The following AGBL4 variants were observed in gnomAD, a reference collection of about 807,000 sequenced individuals.
AGBL4 encodes the protein AGBL carboxypeptidase 4, also known as cytosolic carboxypeptidase 6.
In AGBL4, 58 loss-of-function variants were observed where a neutral mutation model predicts 66.4. That is an observed-to-expected ratio of 0.87 (90% CI 0.71 to 1.09). AGBL4 has a LOEUF of 1.09. AGBL4 is among the 50% of genes least tolerant of loss of function. AGBL4 has a pLI of 0.00. For synonymous variants in AGBL4, 234 were observed against 222.9 expected, an observed-to-expected ratio of 1.05 and a Z score of -0.44; for missense variants, 579 against 631.0, an observed-to-expected ratio of 0.92 and a Z score of 0.88.
At chr1:49,878,525 T>G (rs183952839) in intron 1 of AGBL4, among the ~76,000 whole-genome samples, 12 of 152,218 alleles carry the variant, frequency 7.9e-5, no homozygotes, top group African/African-American at 2.9e-4. Context: ...GTCTGAGAGA[T>G]AGTTTGTTAT....
chr1:49,908,340 C>T (rs1650476200), intron 1 of AGBL4, among the ~76,000 whole-genome samples: 1 of 152,084 alleles, frequency 6.6e-6, no homozygotes, highest in Admixed American at 6.5e-5. Flanking sequence ...GAAGATTTCT[C>T]GTGAAAAGTT....
At chr1:48,531,780 G>GTATT (rs1269749494), downstream of AGBL4, among the ~76,000 whole-genome samples, 15 of 62,912 alleles carry the variant, frequency 2.4e-4, 1 homozygote, top group South Asian at 7.6e-3. Flanking sequence ...ATGTATGTAT[G>GTATT]TATTTATTTA....
intron 6 of AGBL4, among the ~76,000 whole-genome samples, chr1:48,693,749 C>T (rs374133246): frequency 9.8e-5 from 15 of 152,312 alleles, no homozygotes; most frequent in East Asian, 9.6e-4. Flanking sequence ...GACCCCAAAA[C>T]ATAAAACCCC....
Position 49,800,472 on chromosome 1 carries a change from G to A in AGBL4, c.157+50924C>T, listed in dbSNP as rs368134852. On this transcript the variant is annotated intron_variant, in intron 2 of 13. Transcript: ENST00000371839. ...GCTGGTGCGCTGCACCCACTAACTC[G>A]TCATCTAGCATTAGGTATATCTCCC... Among the ~76,000 whole-genome samples, 370 of 123,854 alleles carry A rather than the reference G, an allele frequency of 3.0e-3. 2 individuals are homozygous for A. The highest frequency in any genetic ancestry group is 0.011 in the African/African-American group (356 of 32,256). The allele number at this position is 123,854 out of a possible 152,430, so 81.3% of individuals were successfully genotyped here.
intron 5 of AGBL4, among the ~76,000 whole-genome samples, chr1:49,012,630 A>T (rs1662528335): frequency 1.3e-5 from 2 of 152,222 alleles, no homozygotes; most frequent in South Asian, 4.1e-4. Flanking sequence ...GTGACATGTT[A>T]TCCATAAGCA....
intron 4 of AGBL4, among the ~76,000 whole-genome samples, chr1:49,047,706 G>A (rs1421244971): frequency 6.6e-6 from 1 of 152,150 alleles, no homozygotes; most frequent in Non-Finnish European, 1.5e-5. Context: ...AAGAGGGTCA[G>A]GCCTCAGTTC....
intron 6 of AGBL4, among the ~76,000 whole-genome samples, chr1:48,783,139 G>T (rs1230640520): frequency 1.3e-5 from 2 of 151,992 alleles, no homozygotes; most frequent in Non-Finnish European, 2.9e-5. Context: ...AAAGTAATTT[G>T]CTGTGCTGCA....
At chr1:49,733,262 T>C (rs1474251034) in intron 2 of AGBL4, among the ~76,000 whole-genome samples, 2 of 152,140 alleles carry the variant, frequency 1.3e-5, no homozygotes, top group African/African-American at 4.8e-5. Flanking sequence ...TTAGCAGGCA[T>C]GACATGCAAG....
chr1:48,711,161 C>T (rs764696198), intron 6 of AGBL4, among the ~76,000 whole-genome samples: 3 of 152,194 alleles, frequency 2.0e-5, no homozygotes, highest in Non-Finnish European at 4.4e-5. Context: ...TCAGCATCCA[C>T]AGAGTCTACT....
intron 6 of AGBL4, among the ~76,000 whole-genome samples, chr1:48,698,707 C>T (rs1252651671): frequency 1.3e-5 from 2 of 152,218 alleles, no homozygotes; most frequent in Non-Finnish European, 2.9e-5. Context: ...GTCTCCTGGC[C>T]TCAAGTCCCA....
intron 4 of AGBL4, among the ~76,000 whole-genome samples, chr1:49,122,175 C>A (rs979675372): frequency 6.6e-6 from 1 of 152,218 alleles, no homozygotes; most frequent in Admixed American, 6.5e-5. Context: ...CCAGGTGAGG[C>A]AACGCCCTGC....
At chr1:49,826,018 G>C (rs978876280) in intron 2 of AGBL4, among the ~76,000 whole-genome samples, 1 of 151,966 alleles carries the variant, frequency 6.6e-6, no homozygotes, top group Non-Finnish European at 1.5e-5. Context: ...CTAGCTACAC[G>C]ATTTTCCATA....
intron 4 of AGBL4, among the ~76,000 whole-genome samples, chr1:49,123,117 C>A (rs1048295689): frequency 6.6e-6 from 1 of 152,036 alleles, no homozygotes; most frequent in Admixed American, 6.6e-5. Flanking sequence ...CCTCCCAAAG[C>A]GCTAGGATTA....
At chr1:49,823,079 A>G (rs1326583903) in intron 2 of AGBL4, among the ~76,000 whole-genome samples, 1 of 152,250 alleles carries the variant, frequency 6.6e-6, no homozygotes, top group Non-Finnish European at 1.5e-5. Flanking sequence ...GAAGAAGTCT[A>G]GAACCCTGAA....
At chr1:49,938,695 G>A (rs903100419) in intron 1 of AGBL4, among the ~76,000 whole-genome samples, 15 of 152,046 alleles carry the variant, frequency 9.9e-5, no homozygotes, top group South Asian at 2.1e-4. Flanking sequence ...TTCAATATAC[G>A]CAAATCAATA....
chr1:49,720,340 T>C (rs1256403518), intron 2 of AGBL4, among the ~76,000 whole-genome samples: 1 of 152,102 alleles, frequency 6.6e-6, no homozygotes, highest in East Asian at 1.9e-4. Context: ...AAAATCTTTT[T>C]AAAAATCTAA....
chr1:48,950,556 T>A (rs184051988), intron 5 of AGBL4, among the ~76,000 whole-genome samples: 30 of 152,286 alleles, frequency 2.0e-4, no homozygotes, highest in Admixed American at 1.7e-3. Context: ...CTCTACAGAG[T>A]GCCAATGGCT....
At chr1:49,966,130 G>C (rs923839071) in intron 1 of AGBL4, among the ~76,000 whole-genome samples, 4 of 151,886 alleles carry the variant, frequency 2.6e-5, no homozygotes, top group African/African-American at 4.8e-5. Context: ...TTTTAGTAGA[G>C]ACAGAGTTTC....
intron 4 of AGBL4, among the ~76,000 whole-genome samples, chr1:49,170,342 T>G (rs1055065795): frequency 1.4e-5 from 2 of 143,716 alleles, no homozygotes; most frequent in African/African-American, 5.0e-5. Context: ...TATCATATAT[T>G]ATATATTTAT....
Sources: gnomAD v4.1 joint callset for allele counts (sites outside exome capture counted in the v4.1 genomes callset) on GRCh38, gnomAD v4.1.1 for gene constraint, MANE v1.5 for transcripts, NCBI Gene and HGNC (gene_info 2026-07-23, HGNC 2026-07-21) for gene names.